The following TNKS variants were observed in gnomAD, a reference collection of about 807,000 sequenced individuals.
The protein encoded by TNKS is tankyrase.
A neutral mutation model predicts 135.8 loss-of-function variants in TNKS; 72 were observed. That is an observed-to-expected ratio of 0.53 (90% CI 0.44 to 0.64). The LOEUF (loss-of-function observed/expected upper bound fraction) is 0.64, where lower values mean the gene tolerates loss of function less well. Ranked by LOEUF, TNKS falls within the 30% of genes least tolerant of loss-of-function variation. The probability of loss-of-function intolerance (pLI) is 0.00; values close to 1 mark genes in which losing one functional copy is unlikely to be tolerated. For synonymous variants in TNKS, 849 were observed against 649.3 expected, an observed-to-expected ratio of 1.31 and a Z score of -4.68; for missense variants, 1,769 against 1,674.0, an observed-to-expected ratio of 1.06 and a Z score of -0.99.
chr8:9,761,694 G>A (rs1157087651), intron 21 of TNKS, 58 bp downstream of exon 21: 10 of 1,549,086 alleles, frequency 6.5e-6, no homozygotes, highest in South Asian at 1.2e-5. Flanking sequence ...GGTAAGTATT[G>A]GGGCTGATAA....
chr8:9,752,447 C>T (rs918309751), intron 19 of TNKS, 97 bp from the exon 20 acceptor site: 2 of 801,494 alleles, frequency 2.5e-6, no homozygotes, highest in African/African-American at 1.7e-5. Context: ...AATCATCTGA[C>T]AGCCAAGGTT....
chr8:9,565,060 G>A (rs1009765913), intron 1 of TNKS, among the ~76,000 whole-genome samples: 1 of 151,892 alleles, frequency 6.6e-6, no homozygotes, highest in Non-Finnish European at 1.5e-5. Flanking sequence ...AGTTTTAGGT[G>A]TTTTGTTTTT....
chr8:9,646,600 T>G (rs1054006247), intron 3 of TNKS, among the ~76,000 whole-genome samples: 2 of 152,222 alleles, frequency 1.3e-5, no homozygotes, highest in Non-Finnish European at 1.5e-5. Flanking sequence ...AAATGACATG[T>G]ATTAAGGTTT....
At chr8:9,664,379 G>A (rs940023926) in intron 3 of TNKS, among the ~76,000 whole-genome samples, 7 of 152,098 alleles carry the variant, frequency 4.6e-5, no homozygotes, top group Admixed American at 2.6e-4. Context: ...CTTCCTCCCC[G>A]TGCACCTTCC....
intron 19 of TNKS, 132 bp from the exon 20 acceptor site, chr8:9,752,412 T>C: frequency 1.6e-6 from 1 of 615,162 alleles, no homozygotes; most frequent in Non-Finnish European, 2.8e-6. Flanking sequence ...AATCTGTGTA[T>C]TCTGTATTAT....
At chr8:9,603,855 G>A (rs183390009) in intron 2 of TNKS, among the ~76,000 whole-genome samples, 2 of 151,968 alleles carry the variant, frequency 1.3e-5, no homozygotes, top group Admixed American at 1.3e-4. Flanking sequence ...CTCTTTTTGT[G>A]TCTCAAATTT....
chr8:9,584,177 A>T (rs1798281244), intron 2 of TNKS, among the ~76,000 whole-genome samples: 1 of 151,430 alleles, frequency 6.6e-6, no homozygotes, highest in Non-Finnish European at 1.5e-5. Flanking sequence ...AAAAAAAAAA[A>T]AAAAAAAAAA....
intron 2 of TNKS, among the ~76,000 whole-genome samples, chr8:9,612,416 A>T (rs947043850): frequency 6.6e-6 from 1 of 152,122 alleles, no homozygotes; most frequent in Non-Finnish European, 1.5e-5. Context: ...AACTTTGTAT[A>T]ATATGCTTTG....
intron 3 of TNKS, among the ~76,000 whole-genome samples, chr8:9,633,433 C>T (rs1800373568): frequency 6.6e-6 from 1 of 152,180 alleles, no homozygotes; most frequent in Admixed American, 6.5e-5. Context: ...TTCTAAGATA[C>T]ATTGTTTAGT....
rs571951195 is a variant in TNKS at position 9,588,364 on chromosome 8, T to C, written c.898+7981T>C. ...ATCTAGGCTCACTGCAAGCTCTGCC[T>C]CCCAGGTTCACGCCATGCTCTTGCC... On this transcript the variant is annotated intron_variant, in intron 2 of 26. Coordinates refer to ENST00000310430, the MANE Select transcript of TNKS (RefSeq NM_003747.3). Among the ~76,000 whole-genome samples the C allele has an allele frequency of 2.0e-5, 3 of 152,174 alleles. No individual in the cohort carries two copies. In the East Asian group the frequency reaches 5.8e-4, roughly 29 times the overall value.
rs1367127670 is a variant in TNKS, at chr8:9,556,256, C to T, written c.317C>T (p.Pro106Leu). 1.9e-6 allele frequency: 3 copies of T among 1,614,138 alleles called. No homozygotes were observed. Among genetic ancestry groups the T allele is most frequent in the Non-Finnish European group, 1.7e-6 (2 of 1,180,050 alleles). Residue 106 changes from proline (P) to leucine (L), a missense_variant, in exon 1 of 27, where the codon CCA becomes CTA. Pro to Leu is a moderately conservative substitution (Grantham distance 98). This residue lies in a region of TNKS where 450 missense variants were observed against 304.9 expected (regional missense o/e 1.48). Coordinates refer to ENST00000310430, the MANE Select transcript of TNKS (RefSeq NM_003747.3). The stretch of plus-strand genomic sequence containing the variant: ...ACCGTCGCCGCCGCTCCCGTGGTCC[C>T]AGCGGTTTCTACTTCATCTGCCGCT... ...ICTVAAAPVV[P>L]AVSTSSAAGV...
At chr8:9,700,839 AC>A (rs1803765584) in intron 5 of TNKS, among the ~76,000 whole-genome samples, 1 of 152,106 alleles carries the variant, frequency 6.6e-6, no homozygotes, top group Admixed American at 6.6e-5. Flanking sequence ...TAGTTTAAAA[AC>A]TAAATATATT....
chr8:9,708,044 C>T (rs1290758003), intron 8 of TNKS, among the ~76,000 whole-genome samples: 1 of 152,170 alleles, frequency 6.6e-6, no homozygotes, highest in African/African-American at 2.4e-5. Context: ...GAAAGTGTTA[C>T]AGCATATGTG....
At chr8:9,626,112 A>G (rs1179186158) in intron 3 of TNKS, among the ~76,000 whole-genome samples, 1 of 152,186 alleles carries the variant, frequency 6.6e-6, no homozygotes, top group East Asian at 1.9e-4. Context: ...ATACACATTT[A>G]GGATTGTTAT....
At chr8:9,639,313 A>T (rs974888628) in intron 3 of TNKS, among the ~76,000 whole-genome samples, 1 of 152,176 alleles carries the variant, frequency 6.6e-6, no homozygotes, top group African/African-American at 2.4e-5. Context: ...ACAAACTGTC[A>T]GTTGTTTAAA....
intron 17 of TNKS, among the ~76,000 whole-genome samples, chr8:9,739,321 C>T (rs1270175281): frequency 2.4e-5 from 1 of 41,276 alleles, no homozygotes; most frequent in African/African-American, 1.1e-4. Context: ...TCATCACTGG[C>T]CATCAGAGAA....
At chr8:9,656,807 G>C (rs1801396609) in intron 3 of TNKS, among the ~76,000 whole-genome samples, 2 of 147,190 alleles carry the variant, frequency 1.4e-5, no homozygotes, top group Non-Finnish European at 3.0e-5. Context: ...TTGAGATTAG[G>C]GAGTGGTGAC....
chr8:9,612,950 A>G (rs1467938605), intron 2 of TNKS, among the ~76,000 whole-genome samples: 1 of 152,238 alleles, frequency 6.6e-6, no homozygotes, highest in Non-Finnish European at 1.5e-5. Flanking sequence ...TTTACTATTC[A>G]TTAAGTGGAA....
intron 3 of TNKS, among the ~76,000 whole-genome samples, chr8:9,622,144 A>G (rs934128365): frequency 6.6e-6 from 1 of 152,186 alleles, no homozygotes; most frequent in Non-Finnish European, 1.5e-5. Context: ...AATTTAGGAG[A>G]AGAATGTAAA....
Sources: gnomAD v4.1 joint callset for allele counts (sites outside exome capture counted in the v4.1 genomes callset) on GRCh38, gnomAD v4.1.1 for gene constraint, gnomAD v4.1.1 regional missense constraint, MANE v1.5 for transcripts, NCBI Gene and HGNC (gene_info 2026-07-23, HGNC 2026-07-21) for gene names.